CPNE1: variants seen among roughly 807,000 people sequenced by gnomAD.
CPNE1 encodes the protein copine 1, also known as copine-1.
Under a neutral mutation model 63.2 loss-of-function variants are expected in CPNE1, and 58 were observed. The observed-to-expected ratio is 0.92, with a 90% CI of 0.74 to 1.14. CPNE1 has a LOEUF of 1.14. Among genes scored for constraint, CPNE1 ranks in the 50% most tolerant of loss-of-function variants. CPNE1 has a pLI of 0.00. For missense variants in CPNE1, 672 were observed against 661.7 expected (o/e 1.02, Z -0.17); for synonymous variants, 237 against 249.0 (o/e 0.95, Z 0.45).
chr20:35,626,242 T>G lies in CPNE1; in HGVS notation c.1613A>C (p.Ter538SerextTer60). 8.1e-6 allele frequency: 13 copies of G among 1,614,110 alleles called. No individual in the cohort carries two copies. The highest frequency in any genetic ancestry group is 1.1e-5 in the Non-Finnish European group (13 of 1,180,000). The change falls in exon 16 of 16, where the codon TAG (stop) becomes TCG (serine). Residue 538 changes from the stop codon to serine (S), a stop_lost. Coordinates refer to ENST00000397443, the MANE Select transcript of CPNE1 (RefSeq NM_152925.3). ...AKDPAQAPQA[*>S] ...ACTTGCCACAGCCTCCAAGGGAACC[T>G]AGGCCTGGGGGGCCTGTGCAGGATC...
chr20:35,660,528 T>A (rs1215481314), intron 1 of CPNE1, among the ~76,000 whole-genome samples: 1 of 152,164 alleles, frequency 6.6e-6, no homozygotes, highest in Admixed American at 6.5e-5. Context: ...CTAGCCTAAC[T>A]AAGTCTAAGG....
chr20:35,636,254 G>A (rs1475237698), intron 1 of CPNE1, among the ~76,000 whole-genome samples: 1 of 152,112 alleles, frequency 6.6e-6, no homozygotes, highest in Non-Finnish European at 1.5e-5. Flanking sequence ...CTCCCTCAAG[G>A]GATCAGGATC....
Position 35,632,652 on chromosome 20 carries a change from G to T in CPNE1, c.174C>A (p.Phe58Leu), listed in dbSNP as rs2032239366. The T allele has an allele frequency of 7.1e-7, 1 of 1,406,854 alleles. No individual in the cohort carries two copies. Among genetic ancestry groups the T allele is most frequent in the South Asian group, 1.1e-5 (1 of 86,972 alleles). The allele number at this position is 1,406,854 out of a possible 1,614,324, so 87.1% of individuals were successfully genotyped here. The part of the protein sequence containing the change: ...ERVRNCSSPE[F>L]SKTLQLEYRF... The stretch of plus-strand genomic sequence containing the variant: ...GGTACTCAAGCTGTAGAGTCTTGGA[G>T]AACTCAGGGCTTGAGCAGTTCCGCA... The change falls in exon 3 of 16, where the codon TTC becomes TTA. Residue 58 changes from phenylalanine to leucine, a missense_variant. Physicochemically the swap from Phe to Leu is conservative, Grantham distance 22 (BLOSUM62 0). Transcript: ENST00000397443.
chr20:35,652,986 T>G (rs974900142), intron 1 of CPNE1: 4 of 1,613,808 alleles, frequency 2.5e-6, no homozygotes, highest in Non-Finnish European at 2.5e-6. Flanking sequence ...ATGGCCCACT[T>G]AAATTGTTTG....
At chr20:35,632,062 CAAACAA>C in intron 5 of CPNE1, 37 bp from the exon 6 acceptor site, 1 of 1,609,376 alleles carries the variant, frequency 6.2e-7, no homozygotes, top group Non-Finnish European at 8.5e-7. Context: ...GACTCAGGAA[CAAACAA>C]CCATTATGCC....
chr20:35,641,189 A>G (rs2032784261), intron 1 of CPNE1, among the ~76,000 whole-genome samples: 1 of 152,238 alleles, frequency 6.6e-6, no homozygotes, highest in South Asian at 2.1e-4. Context: ...GTGGCCATCT[A>G]ATTCAAGTCC....
chr20:35,661,210 T>C (rs2034214059), intron 1 of CPNE1, among the ~76,000 whole-genome samples: 1 of 152,146 alleles, frequency 6.6e-6, no homozygotes, highest in South Asian at 2.1e-4. Context: ...AAGGGAAAGG[T>C]AAATGGAAAT....
intron 1 of CPNE1, chr20:35,647,485 G>C (rs995068546): frequency 1.3e-5 from 2 of 151,934 alleles, no homozygotes; most frequent in African/African-American, 4.8e-5. Flanking sequence ...AGAATTCAAG[G>C]GATTTGGTTG....
chr20:35,634,062 C>T (rs998267442), intron 1 of CPNE1, among the ~76,000 whole-genome samples: 2 of 151,204 alleles, frequency 1.3e-5, no homozygotes, highest in Non-Finnish European at 2.9e-5. Flanking sequence ...GAGATCGAGA[C>T]CATCCTGGCT....
intron 1 of CPNE1, among the ~76,000 whole-genome samples, chr20:35,637,401 A>T (rs1461322740): frequency 6.6e-6 from 1 of 152,098 alleles, no homozygotes; most frequent in African/African-American, 2.4e-5. Flanking sequence ...GCATCCCTAG[A>T]TCAACCTTCA....
intron 1 of CPNE1, chr20:35,653,344 A>G (rs200429756): frequency 1.9e-6 from 3 of 1,613,832 alleles, no homozygotes; most frequent in East Asian, 2.2e-5. Context: ...GGGCAGTCCC[A>G]CACCGGGCAG....
intron 1 of CPNE1, chr20:35,650,999 T>G (rs1025132885): frequency 2.0e-5 from 3 of 152,548 alleles, no homozygotes; most frequent in Non-Finnish European, 4.4e-5. Flanking sequence ...CCTTCTGTAT[T>G]GTTTATAATG....
At position 35,648,283 on chromosome 20, in the gene CPNE1, A is replaced by G. The variant is rs540939323; in HGVS notation, c.1-15360T>C. Among the ~76,000 whole-genome samples, 22 of 152,328 alleles carry G rather than the reference A, an allele frequency of 1.4e-4. No homozygotes were observed. The South Asian group carries it at 2.3e-3, about 16-fold the overall frequency. ...CCATTTTTAATAAAAAAGGAAAGCC[A>G]TAAGTTTGATTCTACCATACCCTGT... On this transcript the variant is annotated intron_variant, in intron 1 of 15. Transcript: ENST00000397443.
At chr20:35,627,089 G>C (rs2031795868) in intron 14 of CPNE1, among the ~76,000 whole-genome samples, 191 bp downstream of exon 14, 1 of 149,378 alleles carries the variant, frequency 6.7e-6, no homozygotes, top group Non-Finnish European at 1.5e-5. Flanking sequence ...TAGGAAGGCT[G>C]AGGCAGGAGA....
At chr20:35,627,674 G>A (rs1055309563) in intron 13 of CPNE1, 2 of 355,764 alleles carry the variant, frequency 5.6e-6, no homozygotes, top group Non-Finnish European at 1.0e-5. Context: ...GAGAGTTTGA[G>A]CATCAGATTA....
intron 1 of CPNE1, among the ~76,000 whole-genome samples, chr20:35,640,197 C>T (rs368283208): frequency 6.6e-6 from 1 of 152,286 alleles, no homozygotes; most frequent in South Asian, 2.1e-4. Context: ...CTATAAACCA[C>T]GGGATTATTA....
chr20:35,640,933 T>G (rs1346094919), intron 1 of CPNE1, among the ~76,000 whole-genome samples: 1 of 152,170 alleles, frequency 6.6e-6, no homozygotes, highest in Admixed American at 6.5e-5. Context: ...CCCCTGACCC[T>G]TCCATTTGGG....
At chr20:35,657,476 G>A (rs1480836975) in intron 1 of CPNE1, among the ~76,000 whole-genome samples, 2 of 152,204 alleles carry the variant, frequency 1.3e-5, no homozygotes, top group South Asian at 2.1e-4. Context: ...GAGAGAGAGA[G>A]AGAGACTAGT....
In CPNE1 at chr20:35,646,415, G is replaced by T. The variant is rs2033104696; in HGVS notation, c.1-13492C>A. On this transcript the variant is annotated intron_variant, in intron 1 of 15. Transcript: ENST00000397443. ...CTTTTTTTTTTTTTTTTTGAGACAG[G>T]GTCTTGCTATGTTACTCACGCTAGT... is the stretch of plus-strand genomic sequence containing the variant. Among the ~76,000 whole-genome samples, 6 of 139,742 alleles carry T rather than the reference G, an allele frequency of 4.3e-5. No individual in the cohort carries two copies. In the South Asian group the frequency reaches 1.4e-3, roughly 33 times the overall value. 91.7% of individuals were successfully genotyped at this position (139,742 alleles called of 152,430 possible). A position where few individuals can be genotyped will look rare whatever the true frequency, so the allele number is the denominator to read the frequency against.
Sources: allele counts gnomAD v4.1 joint callset (sites outside exome capture counted in the v4.1 genomes callset), GRCh38; gene constraint gnomAD v4.1.1; transcripts MANE v1.5; gene names NCBI Gene and HGNC (gene_info 2026-07-23, HGNC 2026-07-21).